Variants in MYH13 observed in about 807,000 individuals in gnomAD.
MYH13 encodes myosin heavy chain 13.
In MYH13, 177 loss-of-function variants were observed where a neutral mutation model predicts 232.1. The observed-to-expected ratio is 0.76, with a 90% confidence interval of 0.67 to 0.86. The LOEUF (loss-of-function observed/expected upper bound fraction) is 0.86, where lower values mean the gene tolerates loss of function less well. Ranked by LOEUF, MYH13 falls within the 40% of genes least tolerant of loss-of-function variation. The pLI, the probability that MYH13 is intolerant of heterozygous loss-of-function variation, is 0.00. For missense variants in MYH13, 2,246 were observed against 2,405.9 expected, an observed-to-expected ratio of 0.93 and a Z score of 1.39; for synonymous variants, 884 against 923.5, an observed-to-expected ratio of 0.96 and a Z score of 0.78.
At chr17:10,351,888 C>G (rs17208512) in intron 11 of MYH13, among the ~76,000 whole-genome samples, 3,788 of 152,142 alleles carry the variant, frequency 0.025, 132 homozygotes, top group East Asian at 0.11. Context: ...TTGGTGAGCA[C>G]GTAGGATAGA....
chr17:10,308,557 A>C (rs1906375663), intron 35 of MYH13, among the ~76,000 whole-genome samples: 1 of 150,428 alleles, frequency 6.6e-6, no homozygotes, highest in African/African-American at 2.4e-5. Context: ...GCAAAAATAT[A>C]ATATTTATAT....
chr17:10,345,855 T>G (rs1471451478), intron 13 of MYH13, among the ~76,000 whole-genome samples: 1 of 151,254 alleles, frequency 6.6e-6, no homozygotes, highest in African/African-American at 2.4e-5. Flanking sequence ...TAGCCAGGTG[T>G]GGTGGCAGGC....
chr17:10,355,470 G>A (rs61526459), intron 8 of MYH13, among the ~76,000 whole-genome samples: 4,029 of 152,140 alleles, frequency 0.026, 140 homozygotes, highest in African/African-American at 0.083. Context: ...AATTCTGTCC[G>A]TAAACAAACA....
Position 10,324,063 on chromosome 17 carries a change from A to G in MYH13, c.2893T>C (p.Leu965=). ...TGCTTCTCCTTTTCAACTTTCGTCA[A>G]GGTCAGCTCCAGGTCATCAATGTCT... ...KRDIDDLELT[L]TKVEKEKHAT... Residue 965 remains leucine (L), a synonymous_variant, in exon 23 of 41, where the codon TTG becomes CTG. Coordinates refer to ENST00000252172, the MANE Select transcript of MYH13 (RefSeq NM_003802.3). 6.2e-7 allele frequency: 1 copy of G among 1,613,984 alleles called. No individual in the cohort carries two copies. Among genetic ancestry groups the G allele is most frequent in the Non-Finnish European group, 8.5e-7 (1 of 1,179,964 alleles).
chr17:10,357,000 G>A (rs1423316055), intron 8 of MYH13, among the ~76,000 whole-genome samples: 1 of 151,966 alleles, frequency 6.6e-6, no homozygotes, highest in Non-Finnish European at 1.5e-5. Context: ...GCCCTCTGTT[G>A]CCCAGGCTGG....
At chr17:10,355,224 C>T in intron 8 of MYH13, 77 bp from the exon 9 acceptor site, 1 of 1,400,784 alleles carries the variant, frequency 7.1e-7, no homozygotes, top group Non-Finnish European at 9.9e-7. Flanking sequence ...ATAGGTGCTG[C>T]CACAGATAAA....
chr17:10,314,604 G>C (rs1906635446), intron 29 of MYH13, among the ~76,000 whole-genome samples: 3 of 152,150 alleles, frequency 2.0e-5, no homozygotes, highest in Non-Finnish European at 4.4e-5. Context: ...CAGAAAGATG[G>C]GAGACAAATA....
At chr17:10,360,219 AAAT>A in intron 5 of MYH13, 31 bp from the exon 6 acceptor site, 1 of 1,606,966 alleles carries the variant, frequency 6.2e-7, no homozygotes, top group African/African-American at 1.3e-5. Flanking sequence ...AAAACAAAAC[AAAT>A]AAACAACAAA....
chr17:10,341,632 T>C (rs1019151339), intron 16 of MYH13, among the ~76,000 whole-genome samples: 1 of 152,088 alleles, frequency 6.6e-6, no homozygotes, highest in African/African-American at 2.4e-5. Context: ...TTCATCCCAC[T>C]TTGTCCCCGG....
In MYH13 at chr17:10,340,165, C is replaced by T. The variant is rs2071609882; in HGVS notation, c.2041G>A (p.Glu681Lys). ...TGGTACTCACCAGGAGTCTTGGTCT[C>T]ATTGGGAATCAGACATCGTACAAAG... is the stretch of plus-strand genomic sequence containing the variant. ...PHFVRCLIPNETKTPGVMDHY... is the reference protein window; with the variant it reads ...PHFVRCLIPNKTKTPGVMDHY... The change falls in exon 18 of 41, where the codon GAG (glutamate) becomes AAG (lysine). Residue 681 changes from glutamate to lysine, a missense_variant. Coordinates refer to ENST00000252172, the MANE Select transcript of MYH13 (RefSeq NM_003802.3). The T allele has an allele frequency of 1.2e-6, 2 of 1,613,352 alleles. No individual in the cohort carries two copies. Among genetic ancestry groups the T allele is most frequent in the African/African-American group, 1.3e-5 (1 of 74,906 alleles).
chr17:10,315,915 T>C lies in MYH13; in HGVS notation c.3849A>G (p.Arg1283=), dbSNP rs761511067. 6.2e-6 allele frequency: 10 copies of C among 1,613,998 alleles called. No homozygotes were observed. In the South Asian group the frequency reaches 1.1e-4, roughly 18 times the overall value. ...CATTCTCACCATTTTGGGTCTGCAG[T>C]CTTGCTTTCTGCATGTTCAGATCAT... ...LIHDLNMQKA[R]LQTQNGELSH... The change falls in exon 28 of 41, where the codon AGA becomes AGG. Residue 1283 remains arginine, a synonymous_variant. Transcript: ENST00000252172.
intron 35 of MYH13, among the ~76,000 whole-genome samples, chr17:10,308,234 G>A (rs1197220825): frequency 6.6e-6 from 1 of 150,548 alleles, no homozygotes; most frequent in East Asian, 2.0e-4. Context: ...TGAGGCAGGA[G>A]AATCGCTTGA....
At position 10,304,534 on chromosome 17, in the gene MYH13, T is replaced by TA. The variant is rs975069276; in HGVS notation, c.5467-1037dup. Reference sequence around the variant, plus strand: ...AACCTGCCCAACTGTTCATTGAACTTACAGCAGATCAAGTAACTTGAACTT... The same window carrying TA: ...AACCTGCCCAACTGTTCATTGAACTTAACAGCAGATCAAGTAACTTGAACTT... On this transcript the variant is annotated intron_variant, in intron 37 of 40. Coordinates refer to ENST00000252172, the MANE Select transcript of MYH13 (RefSeq NM_003802.3). This position sits in a 1 kb window ranked among gnomAD's most constrained non-coding sequence, Gnocchi z 5.3. 1.3e-5 allele frequency among the ~76,000 whole-genome samples: 2 copies of TA among 152,234 alleles called. No homozygotes were observed. The highest frequency in any genetic ancestry group is 2.4e-5 in the African/African-American group (1 of 41,466).
intron 18 of MYH13, among the ~76,000 whole-genome samples, chr17:10,339,466 G>A (rs941764037): frequency 9.2e-5 from 14 of 152,168 alleles, no homozygotes; most frequent in Admixed American, 5.2e-4. Context: ...GCAAGGATTC[G>A]AGGTAATATA....
At chr17:10,321,237 A>G (rs1199790945) in intron 24 of MYH13, among the ~76,000 whole-genome samples, 1 of 152,238 alleles carries the variant, frequency 6.6e-6, no homozygotes, top group Non-Finnish European at 1.5e-5. Flanking sequence ...GATGATAGCA[A>G]TAGTAGCAGC....
At chr17:10,317,483 T>C (rs1484390043) in intron 27 of MYH13, 2 of 152,328 alleles carry the variant, frequency 1.3e-5, no homozygotes, top group African/African-American at 4.8e-5. Flanking sequence ...ATATCTCCCT[T>C]CCTTTTCTGG....
rs147282273 is a variant in MYH13, at chr17:10,342,174, T to A, written c.1894+1626A>T. ...GATCCTCCCAGCTCAGGTTCCCAAG[T>A]AGCTGGACTACAGGTGTGCACCACC... On this transcript the variant is annotated intron_variant, in intron 16 of 40. Coordinates refer to ENST00000252172, the MANE Select transcript of MYH13 (RefSeq NM_003802.3). Among the ~76,000 whole-genome samples, 14 of 152,274 alleles carry A rather than the reference T, an allele frequency of 9.2e-5. No individual in the cohort carries two copies. In the East Asian group the frequency reaches 2.7e-3, roughly 29 times the overall value.
At chr17:10,315,334 C>T (rs1028794255) in intron 29 of MYH13, among the ~76,000 whole-genome samples, 2 of 152,208 alleles carry the variant, frequency 1.3e-5, no homozygotes, top group African/African-American at 4.8e-5. Flanking sequence ...GCTCTGTCTT[C>T]CAGGCTGGAG....
intron 24 of MYH13, 49 bp from the exon 25 acceptor site, chr17:10,320,545 T>C (rs1244854101): frequency 6.3e-7 from 1 of 1,577,852 alleles, no homozygotes; most frequent in Admixed American, 1.8e-5. Context: ...GGGAAGTGTT[T>C]GCCCCGTTTA....
Sources: gnomAD v4.1 joint callset for allele counts (sites outside exome capture counted in the v4.1 genomes callset) on GRCh38, gnomAD v4.1.1 for gene constraint, Gnocchi (gnomAD v3.1) non-coding constraint, MANE v1.5 for transcripts, NCBI Gene and HGNC (gene_info 2026-07-23, HGNC 2026-07-21) for gene names.